The following TTLL10 variants were observed in gnomAD, a reference collection of about 807,000 sequenced individuals.
TTLL10 encodes the protein tubulin tyrosine ligase like 10.
A neutral mutation model predicts 69.0 loss-of-function variants in TTLL10; 61 were observed. That is an observed-to-expected ratio of 0.88 (90% CI 0.72 to 1.09). The LOEUF (loss-of-function observed/expected upper bound fraction) is 1.09. Among genes scored for constraint, TTLL10 ranks in the 50% least tolerant of loss-of-function variants. The probability of loss-of-function intolerance (pLI) is 0.00; values close to 1 mark genes in which losing one functional copy is unlikely to be tolerated. For missense variants in TTLL10, 962 were observed against 945.9 expected (o/e 1.02, Z -0.22); for synonymous variants, 408 against 393.3 (o/e 1.04, Z -0.44).
At chr1:1,184,654 A>G (rs1647196969) in intron 12 of TTLL10, among the ~76,000 whole-genome samples, 1 of 152,144 alleles carries the variant, frequency 6.6e-6, no homozygotes, top group Non-Finnish European at 1.5e-5. Context: ...CCCAGAGAAC[A>G]GGCCTTCTAG....
chr1:1,182,240 G>T (rs112452654), intron 9 of TTLL10, 121 bp from the exon 10 acceptor site: 5 of 840,044 alleles, frequency 6.0e-6, no homozygotes, highest in African/African-American at 3.4e-5. Flanking sequence ...GAGAACGGCC[G>T]CGGGCGCCAG....
At chr1:1,194,690 G>A (rs1363257804) in intron 13 of TTLL10, among the ~76,000 whole-genome samples, 1 of 152,158 alleles carries the variant, frequency 6.6e-6, no homozygotes, top group Non-Finnish European at 1.5e-5. Flanking sequence ...TCATCTTTCT[G>A]TGGATGCCTC....
At chr1:1,190,454 G>A (rs1406236895) in intron 13 of TTLL10, among the ~76,000 whole-genome samples, 1 of 148,816 alleles carries the variant, frequency 6.7e-6, no homozygotes, top group African/African-American at 2.5e-5. Context: ...TTGAGATGGA[G>A]TCTTGCTCTG....
intron 9 of TTLL10, 105 bp from the exon 10 acceptor site, chr1:1,182,256 A>G (rs1241798641): frequency 7.0e-6 from 7 of 996,534 alleles, no homozygotes; most frequent in Non-Finnish European, 1.1e-5. Context: ...GCCAGGTGCC[A>G]CTGCCCACAC....
chr1:1,187,093 G>A (rs1339909759), intron 13 of TTLL10, among the ~76,000 whole-genome samples: 29 of 151,870 alleles, frequency 1.9e-4, no homozygotes, highest in South Asian at 4.2e-4. Flanking sequence ...TGATCTGCCC[G>A]CCTCGGCCTC....
In TTLL10 at chr1:1,185,656, G is replaced by C; in HGVS notation, c.1401+547G>C. The C allele has an allele frequency of 2.0e-6, 2 of 985,664 alleles. No individual in the cohort carries two copies. Among genetic ancestry groups the C allele is most frequent in the Non-Finnish European group, 2.4e-6 (2 of 830,090 alleles). The allele number at this position is 985,664 out of a possible 1,614,324, so 61.1% of individuals were successfully genotyped here. A position where few individuals can be genotyped will look rare whatever the true frequency, so the allele number is the denominator to read the frequency against. The stretch of plus-strand genomic sequence containing the variant: ...CGCGGTGTGAAACTGGGATAAAAAC[G>C]GGGCTTGGCCGAAGGACTTTTATCT... On this transcript the variant is annotated intron_variant, in intron 13 of 15. Coordinates refer to ENST00000379289, the MANE Select transcript of TTLL10 (RefSeq NM_001130045.2). This position sits in a 1 kb window ranked among gnomAD's most constrained non-coding sequence, Gnocchi z 6.1.
rs1557472879 is a variant in TTLL10 at position 1,179,204 on chromosome 1, A to AC, written c.-6dup. The AC allele has an allele frequency of 3.9e-6, 6 of 1,530,122 alleles. No individual in the cohort carries two copies. The highest frequency in any genetic ancestry group is 1.4e-5 in the African/African-American group (1 of 72,414). The allele number at this position is 1,530,122 out of a possible 1,614,324, so 94.8% of individuals were successfully genotyped here. On this transcript the variant is annotated 5_prime_UTR_variant, in exon 4 of 16. Transcript: ENST00000379289. ...TTCCCTTCAGGGCCCTCGCCCGGGC[A>AC]CCCCCCGGCCAATGGACCACAGCTG...
chr1:1,178,944 G>A (rs906708052), intron 3 of TTLL10, among the ~76,000 whole-genome samples: 1 of 152,204 alleles, frequency 6.6e-6, no homozygotes, highest in Non-Finnish European at 1.5e-5. Context: ...CTGAAGAGCC[G>A]CTCCGGCCAG....
At chr1:1,188,242 A>T (rs539962620) in intron 13 of TTLL10, among the ~76,000 whole-genome samples, 1 of 152,216 alleles carries the variant, frequency 6.6e-6, no homozygotes, top group Admixed American at 6.5e-5. Context: ...CATGGTTTTG[A>T]TTGCTGTAGC....
chr1:1,185,956 A>ATTGGCCGGGCGCGGTGGCT lies in TTLL10; in HGVS notation c.1401+847_1401+848insTTGGCCGGGCGCGGTGGCT. Reference sequence around the variant, plus strand: ...TTCATCACCTCAAAAAAGAAACACTACTAACGAGCCATCACAGCTACATTG... The same window carrying ATTGGCCGGGCGCGGTGGCT: ...TTCATCACCTCAAAAAAGAAACACTATTGGCCGGGCGCGGTGGCTCTAACGAGCCATCACAGCTACATTG... On this transcript the variant is annotated intron_variant, in intron 13 of 15. Transcript: ENST00000379289. This position sits in a 1 kb window ranked among gnomAD's most constrained non-coding sequence, Gnocchi z 6.1. The ATTGGCCGGGCGCGGTGGCT allele has an allele frequency of 1.8e-6, 1 of 544,338 alleles. No individual in the cohort carries two copies. Among genetic ancestry groups the ATTGGCCGGGCGCGGTGGCT allele is most frequent in the Non-Finnish European group, 2.3e-6 (1 of 426,810 alleles). 33.7% of individuals were successfully genotyped at this position (544,338 alleles called of 1,614,324 possible).
In TTLL10 at chr1:1,180,241, C is replaced by A; in HGVS notation, c.407C>A (p.Ala136Asp). 6.2e-7 allele frequency: 1 copy of A among 1,606,394 alleles called. No homozygotes were observed. The highest frequency in any genetic ancestry group is 8.5e-7 in the Non-Finnish European group (1 of 1,177,408). The change falls in exon 6 of 16, where the codon GCC (alanine) becomes GAC (aspartate). Residue 136 changes from alanine to aspartate, a missense_variant. Coordinates refer to ENST00000379289, the MANE Select transcript of TTLL10 (RefSeq NM_001130045.2). Reference sequence around the variant, plus strand: ...ACTAACGCCGCCGGGCCCTCAGCTGCCCTCCTGGAGGGGCTCCTGCTGGGG... The same window carrying A: ...ACTAACGCCGCCGGGCCCTCAGCTGACCTCCTGGAGGGGCTCCTGCTGGGG... The part of the protein sequence containing the change: ...DDTNAAGPSA[A>D]LLEGLLLGGG...
At chr1:1,192,259 G>T (rs949686176) in intron 13 of TTLL10, among the ~76,000 whole-genome samples, 1 of 152,218 alleles carries the variant, frequency 6.6e-6, no homozygotes, top group African/African-American at 2.4e-5. Context: ...TCTGTTGTTG[G>T]GTGTGTGTAT....
In TTLL10 at chr1:1,196,733, C is replaced by CG. The variant is rs917730054; in HGVS notation, c.1518+23dup. 5 of 1,509,694 alleles carry CG rather than the reference C, an allele frequency of 3.3e-6. No homozygotes were observed. Among genetic ancestry groups the CG allele is most frequent in the Non-Finnish European group, 1.8e-6 (2 of 1,108,648 alleles). The allele number at this position is 1,509,694 out of a possible 1,614,324, so 93.5% of individuals were successfully genotyped here. A position where few individuals can be genotyped will look rare whatever the true frequency, so the allele number is the denominator to read the frequency against. On this transcript the variant is annotated intron_variant, in intron 14 of 15. Coordinates refer to ENST00000379289, the MANE Select transcript of TTLL10 (RefSeq NM_001130045.2). Reference sequence around the variant, plus strand: ...AACTTCAAGGTGCTGTCCTGGGCGGCGGGGGGCACAGTAGACAGATGCAAG... The same window carrying CG: ...AACTTCAAGGTGCTGTCCTGGGCGGCGGGGGGGCACAGTAGACAGATGCAAG...
chr1:1,185,332 G>A lies in TTLL10; in HGVS notation c.1401+223G>A. On this transcript the variant is annotated intron_variant, in intron 13 of 15. Coordinates refer to ENST00000379289, the MANE Select transcript of TTLL10 (RefSeq NM_001130045.2). This position sits in a 1 kb window ranked among gnomAD's most constrained non-coding sequence, Gnocchi z 6.1. The stretch of plus-strand genomic sequence containing the variant: ...AGGCCCGGACGGAAAGCCCAGTCGG[G>A]GGTCTGTCGGCACGAGTCCCGCGGG... 2.2e-6 allele frequency: 3 copies of A among 1,383,896 alleles called. No individual in the cohort carries two copies. Among genetic ancestry groups the A allele is most frequent in the Non-Finnish European group, 2.8e-6 (3 of 1,073,500 alleles). The allele number at this position is 1,383,896 out of a possible 1,614,324, so 85.7% of individuals were successfully genotyped here.
rs375476796 is a variant in TTLL10, at chr1:1,197,045, G to A, written c.1519-48G>A. The A allele has an allele frequency of 1.5e-5, 23 of 1,524,600 alleles. No individual in the cohort carries two copies. The African/African-American group carries it at 2.8e-4, about 18-fold the overall frequency. The allele number at this position is 1,524,600 out of a possible 1,614,324, so 94.4% of individuals were successfully genotyped here. A position where few individuals can be genotyped will look rare whatever the true frequency, so the allele number is the denominator to read the frequency against. On this transcript the variant is annotated intron_variant, in intron 14 of 15. Transcript: ENST00000379289. ...AGGACCAGGGCCTCTGCCTCCTGCT[G>A]GCCCAGTGGGCTCGGGGTGAGGAGG...
intron 11 of TTLL10, 103 bp from the exon 12 acceptor site, chr1:1,183,817 C>G (rs547759809): frequency 6.9e-7 from 1 of 1,448,994 alleles, no homozygotes. Flanking sequence ...GGGACAGAGG[C>G]GGGGCGCTGA....
chr1:1,181,016 G>A lies in TTLL10; in HGVS notation c.755+156G>A. On this transcript the variant is annotated intron_variant, in intron 8 of 15. Coordinates refer to ENST00000379289, the MANE Select transcript of TTLL10 (RefSeq NM_001130045.2). This position sits in a 1 kb window ranked among gnomAD's most constrained non-coding sequence, Gnocchi z 4.6. ...GGCTCCCAGGCTGGCTCCAGCCCCT[G>A]CCCCTGCCCTTGCCCCTGCCCCTGG... 1.7e-6 allele frequency: 1 copy of A among 589,912 alleles called. No homozygotes were observed. Among genetic ancestry groups the A allele is most frequent in the Non-Finnish European group, 2.6e-6 (1 of 380,874 alleles). The allele number at this position is 589,912 out of a possible 1,614,324, so 36.5% of individuals were successfully genotyped here. A position where few individuals can be genotyped will look rare whatever the true frequency, so the allele number is the denominator to read the frequency against.
chr1:1,188,023 G>T (rs1647474256), intron 13 of TTLL10, among the ~76,000 whole-genome samples: 4 of 152,136 alleles, frequency 2.6e-5, no homozygotes, highest in Admixed American at 2.6e-4. Context: ...GTTAATTTTT[G>T]TGTATGGTGT....
chr1:1,192,206 ACTT>A (rs1291785848), intron 13 of TTLL10, among the ~76,000 whole-genome samples: 1 of 151,930 alleles, frequency 6.6e-6, no homozygotes, highest in Non-Finnish European at 1.5e-5. Context: ...TCAGTTGTCT[ACTT>A]CTCCCTTCAG....
Sources: gnomAD v4.1 joint callset for allele counts (sites outside exome capture counted in the v4.1 genomes callset) on GRCh38, gnomAD v4.1.1 for gene constraint, Gnocchi (gnomAD v3.1) non-coding constraint, MANE v1.5 for transcripts, NCBI Gene and HGNC (gene_info 2026-07-23, HGNC 2026-07-21) for gene names.